SDHAF2: variants seen among roughly 807,000 people sequenced by gnomAD.
The protein encoded by SDHAF2 is succinate dehydrogenase assembly factor 2, mitochondrial.
Under a neutral mutation model 18.5 loss-of-function variants are expected in SDHAF2, and 21 were observed. The ratio of observed to expected loss-of-function variants is 1.13; its 90% CI spans 0.80 to 1.63. The LOEUF is 1.63. Ranked by LOEUF, SDHAF2 falls within the 40% of genes most tolerant of loss-of-function variation. The pLI, the probability that SDHAF2 is intolerant of heterozygous loss-of-function variation, is 0.00. For missense variants in SDHAF2, 195 were observed against 200.3 expected (o/e 0.97, Z 0.16); for synonymous variants, 84 against 70.7 (o/e 1.19, Z -0.94).
At chr11:61,442,573 G>A (rs751985690) in intron 3 of SDHAF2, among the ~76,000 whole-genome samples, 2 of 151,976 alleles carry the variant, frequency 1.3e-5, no homozygotes, top group East Asian at 1.9e-4. Context: ...GATATTTATC[G>A]TGCTTTTGGG....
chr11:61,438,207 T>C, intron 3 of SDHAF2, 94 bp downstream of exon 3: 2 of 1,023,782 alleles, frequency 2.0e-6, no homozygotes, highest in Non-Finnish European at 3.0e-6. Flanking sequence ...TTTCTTTCTT[T>C]TTTTTTTTTG....
chr11:61,442,057 T>C (rs1862073869), intron 3 of SDHAF2, among the ~76,000 whole-genome samples: 1 of 151,756 alleles, frequency 6.6e-6, no homozygotes, highest in Admixed American at 6.6e-5. Flanking sequence ...CTAATTTTTG[T>C]TGTTGTTGTA....
intron 1 of SDHAF2, chr11:61,436,916 G>A (rs770498404): frequency 3.9e-6 from 5 of 1,285,992 alleles, no homozygotes; most frequent in Non-Finnish European, 5.1e-6. Context: ...AGCCTTTGGG[G>A]GATTAGGGAT....
chr11:61,441,275 GTAATCCCA>G (rs1565129530), intron 3 of SDHAF2, among the ~76,000 whole-genome samples: 8 of 152,286 alleles, frequency 5.3e-5, no homozygotes, highest in African/African-American at 1.7e-4. Flanking sequence ...GCTCACGCCT[GTAATCCCA>G]GCACTTTGGT....
chr11:61,446,691 GT>G lies in SDHAF2; in HGVS notation c.*621del. On this transcript the variant is annotated 3_prime_UTR_variant, in exon 4 of 4. Coordinates refer to ENST00000301761, the MANE Select transcript of SDHAF2 (RefSeq NM_017841.4). ...GGGCTTTCTTTAAAACGTGCACTTT[GT>G]AATTTGAAAGAGAATTATTAAAGCA... 1 of 399,424 alleles carries G rather than the reference GT, an allele frequency of 2.5e-6. No homozygotes were observed. The allele number at this position is 399,424 out of a possible 1,614,324, so 24.7% of individuals were successfully genotyped here. A position where few individuals can be genotyped will look rare whatever the true frequency, so the allele number is the denominator to read the frequency against.
At chr11:61,441,270 C>T (rs376811597) in intron 3 of SDHAF2, among the ~76,000 whole-genome samples, 9 of 152,258 alleles carry the variant, frequency 5.9e-5, no homozygotes, top group East Asian at 5.8e-4. Context: ...CGGTGGCTCA[C>T]GCCTGTAATC....
At chr11:61,440,230 G>A (rs187101888) in intron 3 of SDHAF2, among the ~76,000 whole-genome samples, 3 of 152,142 alleles carry the variant, frequency 2.0e-5, no homozygotes, top group African/African-American at 4.8e-5. Flanking sequence ...TCTTGAATCC[G>A]GGAGGCAGAG....
intron 1 of SDHAF2, chr11:61,430,641 T>A (rs1157281709): frequency 5.4e-6 from 1 of 184,376 alleles, no homozygotes; most frequent in African/African-American, 2.4e-5. Context: ...AGTTAGCATG[T>A]CCATCACCTC....
intron 3 of SDHAF2, among the ~76,000 whole-genome samples, chr11:61,439,487 G>A (rs1268032428): frequency 6.6e-6 from 1 of 152,210 alleles, no homozygotes; most frequent in Non-Finnish European, 1.5e-5. Context: ...CAGCTGTGTT[G>A]GAGATTCTGT....
chr11:61,430,167 C>G lies in SDHAF2; in HGVS notation c.21C>G (p.Phe7Leu). 1 of 1,614,240 alleles carries G rather than the reference C, an allele frequency of 6.2e-7. No individual in the cohort carries two copies. The highest frequency in any genetic ancestry group is 8.5e-7 in the Non-Finnish European group (1 of 1,180,034). Residue 7 changes from phenylalanine to leucine, a missense_variant, in exon 1 of 4, where the codon TTC (phenylalanine) becomes TTG (leucine). Physicochemically the swap from Phe to Leu is conservative, Grantham distance 22. Coordinates refer to ENST00000301761, the MANE Select transcript of SDHAF2 (RefSeq NM_017841.4). ...GGAAAATGGCGGTGTCTACAGTGTT[C>G]TCGACTTCGTCGCTGGTGAGGAGAG... MAVSTV[F>L]STSSLMLALS...
intron 3 of SDHAF2, among the ~76,000 whole-genome samples, chr11:61,443,528 T>C (rs1862095540): frequency 6.6e-6 from 1 of 152,240 alleles, no homozygotes; most frequent in African/African-American, 2.4e-5. Context: ...TTACTGTTAG[T>C]GTGGGGATCA....
chr11:61,430,281 C>T, intron 1 of SDHAF2, 99 bp downstream of exon 1: 1 of 1,511,912 alleles, frequency 6.6e-7, no homozygotes, highest in Non-Finnish European at 9.1e-7. Flanking sequence ...TTCGTCTGCC[C>T]GATAGCGCAG....
At chr11:61,440,752 C>A (rs1384560917) in intron 3 of SDHAF2, among the ~76,000 whole-genome samples, 1 of 152,292 alleles carries the variant, frequency 6.6e-6, no homozygotes, top group East Asian at 1.9e-4. Flanking sequence ...TAACTACTCA[C>A]CTCGACCTTT....
intron 1 of SDHAF2, chr11:61,431,380 AG>A (rs1861906154): frequency 6.6e-6 from 1 of 152,136 alleles, no homozygotes; most frequent in Non-Finnish European, 1.5e-5. Context: ...TATGTTGCCC[AG>A]GCTGGTCTCA....
intron 1 of SDHAF2, among the ~76,000 whole-genome samples, chr11:61,437,339 G>C (rs1436755833): frequency 6.6e-6 from 1 of 151,994 alleles, no homozygotes; most frequent in Non-Finnish European, 1.5e-5. Context: ...CAGGCACCAT[G>C]GTGGGACTAC....
chr11:61,438,491 G>A (rs993116607), intron 3 of SDHAF2: 19 of 299,014 alleles, frequency 6.4e-5, no homozygotes, highest in Admixed American at 9.2e-5. Context: ...GAGCCACTGT[G>A]CCTGGCTTAT....
At chr11:61,441,809 A>C (rs1332285709) in intron 3 of SDHAF2, among the ~76,000 whole-genome samples, 1 of 151,718 alleles carries the variant, frequency 6.6e-6, no homozygotes, top group Non-Finnish European at 1.5e-5. Flanking sequence ...AATATTGAGG[A>C]TCTTTTCAAG....
At chr11:61,441,766 A>G (rs1471971626) in intron 3 of SDHAF2, among the ~76,000 whole-genome samples, 1 of 152,126 alleles carries the variant, frequency 6.6e-6, no homozygotes, top group Non-Finnish European at 1.5e-5. Context: ...GTACATCACT[A>G]TAGTTTTAAT....
At chr11:61,432,023 G>A (rs1010765559) in intron 1 of SDHAF2, 2 of 152,182 alleles carry the variant, frequency 1.3e-5, no homozygotes, top group African/African-American at 4.8e-5. Flanking sequence ...AAAGTAAATA[G>A]TGGCCGAGGT....
Sources: allele counts gnomAD v4.1 joint callset (sites outside exome capture counted in the v4.1 genomes callset), GRCh38; gene constraint gnomAD v4.1.1; transcripts MANE v1.5; gene names NCBI Gene and HGNC (gene_info 2026-07-23, HGNC 2026-07-21).